SLC25A26: variants seen among roughly 807,000 people sequenced by gnomAD.
The protein encoded by SLC25A26 is solute carrier family 25 member 26.
SLC25A26 carries 36 observed loss-of-function variants against 37.8 expected under a neutral mutation model. The observed-to-expected ratio is 0.95, with a 90% CI of 0.73 to 1.26. SLC25A26 has a LOEUF of 1.26. Ranked by LOEUF, SLC25A26 falls within the 50% of genes most tolerant of loss-of-function variation. The pLI is 0.00. For synonymous variants in SLC25A26, 129 were observed against 122.5 expected (o/e 1.05, Z -0.35); for missense variants, 390 against 331.1 (o/e 1.18, Z -1.38).
At chr3:66,262,021 T>C (rs763457628) in intron 3 of SLC25A26, 30 bp from the exon 4 acceptor site, 1 of 1,368,234 alleles carries the variant, frequency 7.3e-7, no homozygotes, top group South Asian at 1.3e-5. Flanking sequence ...GTTATTTACT[T>C]TTTAGGATAT....
intron 1 of SLC25A26, among the ~76,000 whole-genome samples, chr3:66,180,051 C>A (rs1014578245): frequency 6.4e-4 from 97 of 152,282 alleles, no homozygotes; most frequent in African/African-American, 2.3e-3. Flanking sequence ...TGGCTTCTGG[C>A]ATCCAGGCAA....
intron 1 of SLC25A26, among the ~76,000 whole-genome samples, chr3:66,158,474 A>G (rs867914687): frequency 4.6e-5 from 7 of 152,176 alleles, no homozygotes; most frequent in African/African-American, 1.7e-4. Flanking sequence ...GTCTGCAGGA[A>G]TTGAATTGCT....
intron 5 of SLC25A26, among the ~76,000 whole-genome samples, chr3:66,266,139 A>G (rs1013618386): frequency 1.8e-4 from 27 of 148,790 alleles, no homozygotes; most frequent in African/African-American, 6.4e-4. Context: ...TGGAGATTTA[A>G]TTGAGGTCTT....
chr3:66,188,058 G>A (rs2070864485), intron 1 of SLC25A26, among the ~76,000 whole-genome samples: 1 of 152,024 alleles, frequency 6.6e-6, no homozygotes, highest in Non-Finnish European at 1.5e-5. Context: ...TCTTGACCCT[G>A]AGACTCAGCT....
chr3:66,310,560 C>T (rs1366933708), intron 5 of SLC25A26, among the ~76,000 whole-genome samples: 4 of 152,146 alleles, frequency 2.6e-5, no homozygotes, highest in Non-Finnish European at 5.9e-5. Flanking sequence ...TTATTTTGCA[C>T]ATTAGTTGAT....
At chr3:66,152,091 C>T (rs1451228977) in intron 1 of SLC25A26, among the ~76,000 whole-genome samples, 3 of 152,118 alleles carry the variant, frequency 2.0e-5, no homozygotes, top group African/African-American at 4.8e-5. Flanking sequence ...TCACCTAGCC[C>T]AGTGCTTGAG....
chr3:66,369,594 G>A lies in SLC25A26; in HGVS notation c.633+52G>A, dbSNP rs373100194. Reference sequence around the variant, plus strand: ...ATACTTCAGATGCTCATATCTGTTAGCACTAGGACTACAGGTGTATAAAGT... The same window carrying A: ...ATACTTCAGATGCTCATATCTGTTAACACTAGGACTACAGGTGTATAAAGT... On this transcript the variant is annotated intron_variant, in intron 8 of 9. Transcript: ENST00000354883. 43 of 1,419,060 alleles carry A rather than the reference G, an allele frequency of 3.0e-5. No homozygotes were observed. The African/African-American group carries it at 4.1e-4, about 14-fold the overall frequency. The allele number at this position is 1,419,060 out of a possible 1,614,324, so 87.9% of individuals were successfully genotyped here.
intron 5 of SLC25A26, chr3:66,293,200 A>G (rs1331863872): frequency 6.6e-6 from 1 of 152,136 alleles, no homozygotes; most frequent in Admixed American, 6.6e-5. Context: ...ATTTTAGTGT[A>G]TGTGCTGCTG....
chr3:66,265,326 TAAAAA>T (rs2073702591), intron 5 of SLC25A26, among the ~76,000 whole-genome samples: 1 of 152,034 alleles, frequency 6.6e-6, no homozygotes, highest in Admixed American at 6.6e-5. Context: ...AAAATAAAAA[TAAAAA>T]GAAGCATGTT....
intron 5 of SLC25A26, among the ~76,000 whole-genome samples, chr3:66,301,500 T>A (rs2075075207): frequency 6.6e-6 from 1 of 152,210 alleles, no homozygotes. Context: ...TGTTTGTTAG[T>A]ATTTTTATGT....
chr3:66,234,240 A>G (rs1267132276), intron 1 of SLC25A26, among the ~76,000 whole-genome samples: 2 of 152,182 alleles, frequency 1.3e-5, no homozygotes. Context: ...TTACAGGTAC[A>G]TACCACCATG....
intron 5 of SLC25A26, among the ~76,000 whole-genome samples, chr3:66,287,055 G>C (rs1424883748): frequency 6.6e-6 from 1 of 152,148 alleles, no homozygotes; most frequent in African/African-American, 2.4e-5. Context: ...CCAGTGCTTT[G>C]AGAGGCTGAG....
At chr3:66,162,334 A>ATTTTTTTTTTT (rs796147816) in intron 1 of SLC25A26, among the ~76,000 whole-genome samples, 1 of 52,854 alleles carries the variant, frequency 1.9e-5, no homozygotes, top group Non-Finnish European at 3.9e-5. Context: ...TTCAACATGG[A>ATTTTTTTTTTT]TTTTTTTTTC....
At chr3:66,333,883 C>G (rs373893421) in intron 5 of SLC25A26, among the ~76,000 whole-genome samples, 5 of 152,286 alleles carry the variant, frequency 3.3e-5, no homozygotes, top group African/African-American at 1.2e-4. Flanking sequence ...CTCTGTATTA[C>G]AGAGAGTGCA....
At chr3:66,209,628 A>ATT (rs1436335559) in intron 1 of SLC25A26, among the ~76,000 whole-genome samples, 1 of 84,398 alleles carries the variant, frequency 1.2e-5, no homozygotes, top group African/African-American at 3.0e-5. Context: ...CTATATATCT[A>ATT]TTTTATATAT....
At chr3:66,213,629 C>A (rs1048754395) in intron 1 of SLC25A26, among the ~76,000 whole-genome samples, 4 of 152,068 alleles carry the variant, frequency 2.6e-5, no homozygotes, top group Non-Finnish European at 4.4e-5. Context: ...TGCATTGAAA[C>A]ATCATTACCC....
chr3:66,231,315 C>T (rs368184500), intron 1 of SLC25A26, among the ~76,000 whole-genome samples: 1 of 152,020 alleles, frequency 6.6e-6, no homozygotes, highest in South Asian at 2.1e-4. Flanking sequence ...TCTTAGTTAC[C>T]GTTTGCTGAG....
At chr3:66,206,211 C>T (rs1393568956) in intron 1 of SLC25A26, among the ~76,000 whole-genome samples, 6 of 152,086 alleles carry the variant, frequency 3.9e-5, no homozygotes, top group Admixed American at 2.0e-4. Context: ...AGGGACTGTC[C>T]GCCATAACTG....
At chr3:66,150,189 T>C (rs2070178767) in intron 1 of SLC25A26, among the ~76,000 whole-genome samples, 2 of 151,798 alleles carry the variant, frequency 1.3e-5, no homozygotes, top group Non-Finnish European at 2.9e-5. Flanking sequence ...ACAACAAAAG[T>C]ATTAACTTTA....
Sources: allele counts gnomAD v4.1 joint callset (sites outside exome capture counted in the v4.1 genomes callset), GRCh38; gene constraint gnomAD v4.1.1; transcripts MANE v1.5; gene names NCBI Gene and HGNC (gene_info 2026-07-23, HGNC 2026-07-21).